The following FKTN variants were observed in gnomAD, a reference collection of about 807,000 sequenced individuals.
FKTN encodes fukutin.
In FKTN, 47 loss-of-function variants were observed where a neutral mutation model predicts 58.6. The observed-to-expected ratio is 0.80, with a 90% CI of 0.63 to 1.02. The LOEUF (loss-of-function observed/expected upper bound fraction) is 1.02, where lower values mean the gene tolerates loss of function less well. Among genes scored for constraint, FKTN ranks in the 50% least tolerant of loss-of-function variants. The pLI is 0.00. For missense variants in FKTN, 516 were observed against 537.3 expected (o/e 0.96, Z 0.39); for synonymous variants, 178 against 191.9 (o/e 0.93, Z 0.60).
intron 10 of FKTN, among the ~76,000 whole-genome samples, chr9:105,631,483 C>T (rs954436826): frequency 5.3e-5 from 8 of 151,882 alleles, no homozygotes; most frequent in African/African-American, 1.9e-4. Context: ...AACAGGCAAC[C>T]TACAAAATGG....
intron 9 of FKTN, 66 bp from the exon 10 acceptor site, chr9:105,619,867 TA>T (rs1427116631): frequency 5.7e-6 from 8 of 1,398,450 alleles, no homozygotes; most frequent in South Asian, 2.5e-5. Context: ...TTTTATTTTT[TA>T]AAAAAAGGTT....
rs956683866 is a variant in FKTN at position 105,574,958 on chromosome 9, C to G, written c.-75C>G. The G allele has an allele frequency of 1.2e-6, 1 of 857,792 alleles. No homozygotes were observed. The highest frequency in any genetic ancestry group is 1.7e-5 in the African/African-American group (1 of 60,378). The allele number at this position is 857,792 out of a possible 1,614,324, so 53.1% of individuals were successfully genotyped here. A position where few individuals can be genotyped will look rare whatever the true frequency, so the allele number is the denominator to read the frequency against. ...TTTTGTTCACAGAAAACAAAATTAT[C>G]TTCCTTTCCAAATCCAAAAAGATGA... On this transcript the variant is annotated 5_prime_UTR_variant, in exon 3 of 11. In the 5' UTR this introduces an upstream ATG that the reference lacks. Transcript: ENST00000357998.
chr9:105,568,391 C>T (rs550425121), intron 1 of FKTN, among the ~76,000 whole-genome samples: 60 of 152,300 alleles, frequency 3.9e-4, no homozygotes, highest in Middle Eastern at 3.4e-3. Flanking sequence ...GCAATCTACT[C>T]ATCTGACAAA....
At chr9:105,603,544 T>C in intron 5 of FKTN, among the ~76,000 whole-genome samples, 1 of 152,318 alleles carries the variant, frequency 6.6e-6, no homozygotes, top group South Asian at 2.1e-4. Context: ...AAAAGTTAAA[T>C]TAAGAATTAC....
chr9:105,567,260 C>A (rs1768368954), intron 1 of FKTN, among the ~76,000 whole-genome samples: 3 of 152,164 alleles, frequency 2.0e-5, no homozygotes, highest in Admixed American at 2.0e-4. Context: ...CCCTCTCTCA[C>A]CACTCCTATT....
chr9:105,581,696 C>G (rs1426728804), intron 3 of FKTN, among the ~76,000 whole-genome samples: 2 of 152,212 alleles, frequency 1.3e-5, no homozygotes, highest in East Asian at 1.9e-4. Flanking sequence ...GGGCTCCATG[C>G]AGTTCGAGCT....
intron 10 of FKTN, among the ~76,000 whole-genome samples, chr9:105,627,088 T>C (rs1368705691): frequency 2.0e-5 from 3 of 151,688 alleles, no homozygotes; most frequent in Non-Finnish European, 2.9e-5. Flanking sequence ...TTCTCATGCC[T>C]CAGCCTCCTA....
At position 105,608,144 on chromosome 9, in the gene FKTN, C is replaced by G. The variant is rs887122486; in HGVS notation, c.780+193C>G. 1.3e-5 allele frequency among the ~76,000 whole-genome samples: 2 copies of G among 152,002 alleles called. 1 individual carries two copies. The highest frequency in any genetic ancestry group is 4.2e-4 in the South Asian group (2 of 4,812). On this transcript the variant is annotated intron_variant, in intron 7 of 10. Transcript: ENST00000357998. ...TAGATTAAAAATTAACCTTAAGAAA[C>G]TATTTTCTAAGTCAATAGGTTGATA...
chr9:105,624,018 C>T (rs1351022209), intron 10 of FKTN, among the ~76,000 whole-genome samples: 3 of 152,034 alleles, frequency 2.0e-5, no homozygotes, highest in South Asian at 4.1e-4. Context: ...AAAGTAAAAA[C>T]TTTAAGGGGT....
chr9:105,579,380 G>C (rs952976488), intron 3 of FKTN, among the ~76,000 whole-genome samples: 1 of 151,786 alleles, frequency 6.6e-6, no homozygotes, highest in Non-Finnish European at 1.5e-5. Flanking sequence ...TGTTCTCGTT[G>C]GTTTCAAAGA....
Position 105,636,863 on chromosome 9 carries a change from T to C in FKTN, c.*1599T>C. On this transcript the variant is annotated 3_prime_UTR_variant, in exon 11 of 11. Coordinates refer to ENST00000357998, the MANE Select transcript of FKTN (RefSeq NM_001079802.2). ...TAACTTACAACCACCCATTCCGGAT[T>C]TGTAAAGCAACATGAAAACCTTTGA... 3 of 1,135,142 alleles carry C rather than the reference T, an allele frequency of 2.6e-6. No homozygotes were observed. Among genetic ancestry groups the C allele is most frequent in the Non-Finnish European group, 3.4e-6 (3 of 894,298 alleles). 70.3% of individuals were successfully genotyped at this position (1,135,142 alleles called of 1,614,324 possible). A position where few individuals can be genotyped will look rare whatever the true frequency, so the allele number is the denominator to read the frequency against.
At chr9:105,581,809 A>C (rs1358909172) in intron 3 of FKTN, among the ~76,000 whole-genome samples, 1 of 152,188 alleles carries the variant, frequency 6.6e-6, no homozygotes, top group Non-Finnish European at 1.5e-5. Context: ...CTGGGCTAGC[A>C]ATCAGCGAGA....
chr9:105,564,295 G>A (rs1178958856), intron 1 of FKTN, among the ~76,000 whole-genome samples: 1 of 152,216 alleles, frequency 6.6e-6, no homozygotes, highest in Admixed American at 6.5e-5. Context: ...AAAGCTGGAT[G>A]GAGAATGACT....
At chr9:105,626,050 T>G (rs1832697407) in intron 10 of FKTN, among the ~76,000 whole-genome samples, 2 of 152,232 alleles carry the variant, frequency 1.3e-5, no homozygotes, top group Admixed American at 6.5e-5. Context: ...TTTTTACATG[T>G]TGTGGCTCTT....
chr9:105,593,939 C>T (rs1002583384), intron 3 of FKTN, among the ~76,000 whole-genome samples: 4 of 152,014 alleles, frequency 2.6e-5, no homozygotes, highest in African/African-American at 9.7e-5. Flanking sequence ...AAGAGACAAC[C>T]CATTAGGAGT....
chr9:105,613,162 CA>C (rs1302115651), intron 7 of FKTN, among the ~76,000 whole-genome samples: 1 of 152,132 alleles, frequency 6.6e-6, no homozygotes, highest in African/African-American at 2.4e-5. Context: ...ATTCTTTTAA[CA>C]GGTAAGAAAA....
intron 10 of FKTN, among the ~76,000 whole-genome samples, chr9:105,628,635 C>A (rs534380912): frequency 1.3e-5 from 2 of 152,150 alleles, no homozygotes; most frequent in African/African-American, 2.4e-5. Context: ...AGCAGTCTTA[C>A]TCATACTAGC....
intron 10 of FKTN, among the ~76,000 whole-genome samples, chr9:105,622,844 A>C (rs1432122879): frequency 1.3e-5 from 2 of 152,052 alleles, no homozygotes; most frequent in African/African-American, 4.8e-5. Flanking sequence ...ACCATGCTGC[A>C]CTGGCATAAG....
intron 3 of FKTN, among the ~76,000 whole-genome samples, chr9:105,578,408 T>TC (rs1438996376): frequency 7.4e-6 from 1 of 134,586 alleles, no homozygotes; most frequent in Non-Finnish European, 1.6e-5. Context: ...AAAGGCTTTT[T>TC]CTGCATCTAT....
Sources: allele counts gnomAD v4.1 joint callset (sites outside exome capture counted in the v4.1 genomes callset), GRCh38; gene constraint gnomAD v4.1.1; transcripts MANE v1.5; gene names NCBI Gene and HGNC (gene_info 2026-07-23, HGNC 2026-07-21).